Variants in TRIP12 observed in about 807,000 individuals in gnomAD.
TRIP12 encodes the protein thyroid hormone receptor interactor 12.
TRIP12 carries 25 observed loss-of-function variants against 244.2 expected under a neutral mutation model. That is an observed-to-expected ratio of 0.10 (90% CI 0.07 to 0.14). The LOEUF (loss-of-function observed/expected upper bound fraction) is 0.14, where lower values mean the gene tolerates loss of function less well. Ranked by LOEUF, TRIP12 falls within the 10% of genes least tolerant of loss-of-function variation. The pLI is 1.00. For synonymous variants in TRIP12, 905 were observed against 873.1 expected (o/e 1.04, Z -0.64); for missense variants, 1,677 against 2,486.4 (o/e 0.67, Z 6.92).
intron 4 of TRIP12, among the ~76,000 whole-genome samples, chr2:229,843,602 G>C (rs1323318535): frequency 1.3e-5 from 2 of 152,076 alleles, no homozygotes; most frequent in Non-Finnish European, 2.9e-5. Context: ...ACACAGGCTG[G>C]ATATAGTGGC....
chr2:229,843,944 C>A (rs2057048998), intron 4 of TRIP12, among the ~76,000 whole-genome samples: 1 of 151,420 alleles, frequency 6.6e-6, no homozygotes, highest in African/African-American at 2.4e-5. Context: ...AAAAAAAGAA[C>A]ATGTATTCCT....
chr2:229,921,361 GGGCCGTCC>G, intron 1 of TRIP12: 1 of 152,652 alleles, frequency 6.6e-6, no homozygotes. Flanking sequence ...TTCCATTTCC[GGGCCGTCC>G]ACGGCCCCGG....
chr2:229,787,482 A>G, intron 33 of TRIP12, 23 bp downstream of exon 33: 1 of 1,590,306 alleles, frequency 6.3e-7, no homozygotes, highest in South Asian at 1.2e-5. Context: ...CAGATTATTT[A>G]AAGATTTTGG....
chr2:229,771,003 G>C (rs906989703), intron 39 of TRIP12, among the ~76,000 whole-genome samples: 7 of 152,290 alleles, frequency 4.6e-5, no homozygotes, highest in African/African-American at 1.7e-4. Context: ...GACTAATACA[G>C]GCGGCTAGAG....
intron 17 of TRIP12, among the ~76,000 whole-genome samples, chr2:229,806,999 A>T (rs866269992): frequency 1.3e-5 from 2 of 152,244 alleles, no homozygotes; most frequent in African/African-American, 4.8e-5. Flanking sequence ...GCTAGAGCAA[A>T]TATTATGCTC....
intron 2 of TRIP12, among the ~76,000 whole-genome samples, chr2:229,871,181 AGAGAGGGGAG>A (rs1373305535): frequency 3.8e-5 from 5 of 131,782 alleles, no homozygotes; most frequent in Non-Finnish European, 6.3e-5. Context: ...CAAGAAAAGA[AGAGAGGGGAG>A]GAGAGGGGAG....
chr2:229,838,536 C>T (rs757551948), intron 5 of TRIP12, among the ~76,000 whole-genome samples: 1 of 152,138 alleles, frequency 6.6e-6, no homozygotes, highest in South Asian at 2.1e-4. Context: ...TGCTAATTAT[C>T]GTTGAGTAGA....
At chr2:229,775,073 G>A (rs955564877) in intron 37 of TRIP12, among the ~76,000 whole-genome samples, 1 of 152,124 alleles carries the variant, frequency 6.6e-6, no homozygotes, top group Admixed American at 6.5e-5. Flanking sequence ...AAATGCCTCC[G>A]TGTATGAAAT....
chr2:229,915,282 T>C (rs1418923602), intron 1 of TRIP12, among the ~76,000 whole-genome samples: 2 of 152,148 alleles, frequency 1.3e-5, no homozygotes, highest in Non-Finnish European at 2.9e-5. Flanking sequence ...GTCCTCAATG[T>C]ACTTTATCAA....
chr2:229,783,810 TAA>T (rs554779208), intron 34 of TRIP12, among the ~76,000 whole-genome samples: 13 of 125,172 alleles, frequency 1.0e-4, no homozygotes, highest in Non-Finnish European at 1.5e-4. Flanking sequence ...AACCATCTTT[TAA>T]AAAAAAAAAA....
In TRIP12 at chr2:229,778,018, C is replaced by T. The variant is rs146385822; in HGVS notation, c.5364+415G>A. Among the ~76,000 whole-genome samples, 54 of 152,262 alleles carry T rather than the reference C, an allele frequency of 3.5e-4. No homozygotes were observed. Among genetic ancestry groups the T allele is most frequent in the African/African-American group, 1.2e-3 (51 of 41,554 alleles). The stretch of plus-strand genomic sequence containing the variant: ...CCAACCTCTATGAATACTGATCACT[C>T]GGGTTATTTTCACAACAGCACTCTA... On this transcript the variant is annotated intron_variant, in intron 36 of 41. Coordinates refer to ENST00000675903, the MANE Select transcript of TRIP12 (RefSeq NM_001348323.3). The surrounding 1 kb of genome is among the most constrained non-coding windows in gnomAD (Gnocchi z 4.1).
rs182013650 is a variant in TRIP12 at position 229,887,672 on chromosome 2, C to G, written c.-49-7544G>C. Reference sequence around the variant, plus strand: ...CAGACAAATATAAACCCTAAAATGACTCAAATTTCTTACACTGGTGACAAA... The same window carrying G: ...CAGACAAATATAAACCCTAAAATGAGTCAAATTTCTTACACTGGTGACAAA... On this transcript the variant is annotated intron_variant, in intron 1 of 41. Coordinates refer to ENST00000675903, the MANE Select transcript of TRIP12 (RefSeq NM_001348323.3). Among the ~76,000 whole-genome samples the G allele has an allele frequency of 8.5e-5, 13 of 152,300 alleles. No individual in the cohort carries two copies. In the East Asian group the frequency reaches 1.9e-3, roughly 23 times the overall value.
chr2:229,799,530 A>AC (rs2043687058), intron 21 of TRIP12, 147 bp from the exon 22 acceptor site: 1 of 672,524 alleles, frequency 1.5e-6, no homozygotes, highest in African/African-American at 1.8e-5. Context: ...TAATCCCAGC[A>AC]CTTTGGGAGG....
chr2:229,797,617 A>G, intron 24 of TRIP12, 73 bp downstream of exon 24: 2 of 1,569,188 alleles, frequency 1.3e-6, no homozygotes, highest in East Asian at 4.5e-5. Flanking sequence ...CTAGAGAGTC[A>G]TGAAGGAAAA....
At chr2:229,910,773 A>G (rs1031181705) in intron 1 of TRIP12, among the ~76,000 whole-genome samples, 2 of 152,232 alleles carry the variant, frequency 1.3e-5, no homozygotes, top group Admixed American at 6.5e-5. Flanking sequence ...GATGAAGAGT[A>G]GAGTAAAAAA....
At chr2:229,911,534 A>T (rs956451194) in intron 1 of TRIP12, among the ~76,000 whole-genome samples, 2 of 152,240 alleles carry the variant, frequency 1.3e-5, no homozygotes, top group African/African-American at 4.8e-5. Flanking sequence ...ATTCCACTGC[A>T]GGGTGACTAT....
chr2:229,876,788 T>A (rs1270629850), intron 2 of TRIP12, among the ~76,000 whole-genome samples: 1 of 152,206 alleles, frequency 6.6e-6, no homozygotes, highest in Non-Finnish European at 1.5e-5. Flanking sequence ...CTCAGCCTCC[T>A]ATGTAGCTAG....
chr2:229,805,734 G>C lies in TRIP12; in HGVS notation c.2646C>G (p.Asn882Lys). 1 of 1,591,912 alleles carries C rather than the reference G, an allele frequency of 6.3e-7. No individual in the cohort carries two copies. Among genetic ancestry groups the C allele is most frequent in the Non-Finnish European group, 8.6e-7 (1 of 1,162,768 alleles). Residue 882 changes from asparagine to lysine, a missense_variant, in exon 18 of 42, where the codon AAC becomes AAG. Asn to Lys is a moderately conservative substitution (Grantham distance 94). Coordinates refer to ENST00000675903, the MANE Select transcript of TRIP12 (RefSeq NM_001348323.3). The stretch of plus-strand genomic sequence containing the variant: ...TTTAACTCAGAATGTACTTACTAGT[G>C]TTACTATTGGCTAACGGGTTAGGTT... Reference protein sequence around the residue: ...QRKPNPLANSNTSGYSESKKD... With the variant: ...QRKPNPLANSKTSGYSESKKD...
chr2:229,778,864 G>A lies in TRIP12; in HGVS notation c.5209+12C>T. On this transcript the variant is annotated intron_variant, in intron 35 of 41. Transcript: ENST00000675903. The surrounding 1 kb of genome is among the most constrained non-coding windows in gnomAD (Gnocchi z 4.1). The stretch of plus-strand genomic sequence containing the variant: ...AGTAACACAAACCAACTAACTTACA[G>A]ATAGGCATTACCTTTTGGATTGCTA... 1 of 1,610,294 alleles carries A rather than the reference G, an allele frequency of 6.2e-7. No individual in the cohort carries two copies. Among genetic ancestry groups the A allele is most frequent in the Non-Finnish European group, 8.5e-7 (1 of 1,176,694 alleles).
Sources: gnomAD v4.1 joint callset for allele counts (sites outside exome capture counted in the v4.1 genomes callset) on GRCh38, gnomAD v4.1.1 for gene constraint, Gnocchi (gnomAD v3.1) non-coding constraint, MANE v1.5 for transcripts, NCBI Gene and HGNC (gene_info 2026-07-23, HGNC 2026-07-21) for gene names.